The following TNR variants were observed in gnomAD, a reference collection of about 807,000 sequenced individuals.
The protein encoded by TNR is tenascin R.
Under a neutral mutation model 150.4 loss-of-function variants are expected in TNR, and 45 were observed. The ratio of observed to expected loss-of-function variants is 0.30; its 90% CI spans 0.24 to 0.38. The LOEUF (loss-of-function observed/expected upper bound fraction) is 0.38, where lower values mean the gene tolerates loss of function less well. TNR is among the 10% of genes least tolerant of loss of function. The pLI is 1.00. For missense variants in TNR, 1,544 were observed against 1,759.1 expected, an observed-to-expected ratio of 0.88 and a Z score of 2.19; for synonymous variants, 687 against 678.4, an observed-to-expected ratio of 1.01 and a Z score of -0.20.
At position 175,715,047 on chromosome 1, in the gene TNR, C is replaced by T. The variant is rs117959375; in HGVS notation, c.-165+28179G>A. Among the ~76,000 whole-genome samples the T allele has an allele frequency of 3.9e-5, 6 of 152,304 alleles. No homozygotes were observed. The East Asian group carries it at 1.2e-3, about 29-fold the overall frequency. ...AAAACCATGCTTCTCAAAGTGTGGT[C>T]CCAGGACCAGCAGCTTCAGCATCCT... On this transcript the variant is annotated intron_variant, in intron 1 of 22. Coordinates refer to ENST00000367674, the MANE Select transcript of TNR (RefSeq NM_003285.3).
chr1:175,698,201 C>G (rs962350193), intron 1 of TNR, among the ~76,000 whole-genome samples: 1 of 152,118 alleles, frequency 6.6e-6, no homozygotes, highest in Non-Finnish European at 1.5e-5. Context: ...AGACAACGAA[C>G]AGTCAAACAT....
chr1:175,406,329 C>A lies in TNR; in HGVS notation c.386G>T (p.Ser129Ile). The A allele has an allele frequency of 6.2e-7, 1 of 1,614,148 alleles. No individual in the cohort carries two copies. Among genetic ancestry groups the A allele is most frequent in the Non-Finnish European group, 8.5e-7 (1 of 1,180,024 alleles). ...CAGCTCCTGCAGCACCTGGGCTGAA[C>A]TGGCACATGGACAGGCCTTTTTGGG... ...NFPKKACPCA[S>I]SAQVLQELLS... The change falls in exon 3 of 23, where the codon AGT (serine) becomes ATT (isoleucine). Residue 129 changes from serine (S) to isoleucine (I), a missense_variant. By Grantham distance (142) the Ser-to-Ile change is moderately radical. Around this residue, in one of 2 missense-constraint regions of TNR, gnomAD observed 1,254 missense variants for 1,329.4 expected, o/e 0.94. Coordinates refer to ENST00000367674, the MANE Select transcript of TNR (RefSeq NM_003285.3).
intron 2 of TNR, among the ~76,000 whole-genome samples, chr1:175,488,305 G>C (rs890516463): frequency 6.6e-6 from 1 of 152,186 alleles, no homozygotes; most frequent in Non-Finnish European, 1.5e-5. Context: ...TCAGAATTTA[G>C]AAATTCCCAA....
At chr1:175,696,445 A>G (rs2101923030) in intron 1 of TNR, among the ~76,000 whole-genome samples, 1 of 152,162 alleles carries the variant, frequency 6.6e-6, no homozygotes, top group South Asian at 2.1e-4. Context: ...GGTTGTTCAG[A>G]TGGTACACTG....
intron 2 of TNR, among the ~76,000 whole-genome samples, chr1:175,487,890 C>T (rs1016547079): frequency 6.6e-6 from 1 of 152,152 alleles, no homozygotes; most frequent in African/African-American, 2.4e-5. Flanking sequence ...AATTATGTCT[C>T]TATGATGGTA....
intron 1 of TNR, among the ~76,000 whole-genome samples, chr1:175,714,117 C>T (rs914164937): frequency 5.9e-5 from 9 of 151,898 alleles, no homozygotes; most frequent in African/African-American, 1.9e-4. Flanking sequence ...GCTGCCCTCT[C>T]TTTAAAACTC....
chr1:175,458,888 G>A (rs56712058), intron 2 of TNR, among the ~76,000 whole-genome samples: 18,804 of 151,804 alleles, frequency 0.12, 1,864 homozygotes, highest in African/African-American at 0.28. Context: ...CATGTCCACT[G>A]TCCTCCAACT....
At chr1:175,387,315 C>A (rs1652983728) in intron 7 of TNR, among the ~76,000 whole-genome samples, 2 of 152,210 alleles carry the variant, frequency 1.3e-5, no homozygotes, top group South Asian at 4.1e-4. Flanking sequence ...ACCCTTCTGG[C>A]TGGAGCTGAT....
At chr1:175,437,080 C>T (rs1051372197) in intron 2 of TNR, among the ~76,000 whole-genome samples, 1 of 152,200 alleles carries the variant, frequency 6.6e-6, no homozygotes, top group African/African-American at 2.4e-5. Flanking sequence ...ATACATTCTT[C>T]TCAGCACCAC....
At chr1:175,713,542 T>C (rs987391603) in intron 1 of TNR, among the ~76,000 whole-genome samples, 4 of 152,244 alleles carry the variant, frequency 2.6e-5, no homozygotes, top group Non-Finnish European at 5.9e-5. Context: ...TTGTCTGTCC[T>C]GACTGGGATA....
In TNR at chr1:175,406,629, G is replaced by A; in HGVS notation, c.86C>T (p.Ser29Leu). 2 of 1,614,218 alleles carry A rather than the reference G, an allele frequency of 1.2e-6. No individual in the cohort carries two copies. The highest frequency in any genetic ancestry group is 1.3e-5 in the African/African-American group (1 of 75,042). The change falls in exon 3 of 23, where the codon TCA (serine) becomes TTA (leucine). Residue 29 changes from serine (S) to leucine (L), a missense_variant. Ser to Leu is a moderately radical substitution (Grantham distance 145). Around this residue, in one of 2 missense-constraint regions of TNR, gnomAD observed 1,254 missense variants for 1,329.4 expected, o/e 0.94. Transcript: ENST00000367674. ...LILLGSMIKP[S>L]ECQLEVTTER... ...TGTGGTGACCTCCAGCTGACACTCT[G>A]AAGGCTTGATCATGGAGCCCAGAAG... is the stretch of plus-strand genomic sequence containing the variant.
intron 18 of TNR, among the ~76,000 whole-genome samples, chr1:175,339,517 C>T (rs1383932389): frequency 6.6e-6 from 1 of 152,146 alleles, no homozygotes; most frequent in African/African-American, 2.4e-5. Context: ...TGTCTCCTTC[C>T]CTGCTGATTT....
chr1:175,607,024 C>T (rs1291441502), intron 1 of TNR, among the ~76,000 whole-genome samples: 1 of 152,210 alleles, frequency 6.6e-6, no homozygotes, highest in Non-Finnish European at 1.5e-5. Context: ...TCACATGGGT[C>T]TTTGTCCTGC....
At chr1:175,595,936 A>T (rs1662987351) in intron 1 of TNR, among the ~76,000 whole-genome samples, 4 of 151,914 alleles carry the variant, frequency 2.6e-5, no homozygotes, top group Admixed American at 2.6e-4. Context: ...GCACAGAGAA[A>T]TTAAACAACT....
chr1:175,346,100 A>G (rs1303073650), intron 18 of TNR, among the ~76,000 whole-genome samples: 1 of 151,268 alleles, frequency 6.6e-6, no homozygotes, highest in Non-Finnish European at 1.5e-5. Context: ...CAATGTATGA[A>G]AAAAACCACA....
chr1:175,692,032 T>C (rs911392138), intron 1 of TNR, among the ~76,000 whole-genome samples: 2 of 152,224 alleles, frequency 1.3e-5, no homozygotes, highest in Non-Finnish European at 2.9e-5. Flanking sequence ...TTTTGCACTT[T>C]GCATCGGCAA....
intron 4 of TNR, among the ~76,000 whole-genome samples, chr1:175,398,461 T>G (rs1653542057): frequency 6.6e-6 from 1 of 152,262 alleles, no homozygotes; most frequent in African/African-American, 2.4e-5. Flanking sequence ...ATTAAAGCTT[T>G]GAATTTCACT....
intron 20 of TNR, among the ~76,000 whole-genome samples, chr1:175,331,643 C>T (rs1649941161): frequency 6.6e-6 from 1 of 152,132 alleles, no homozygotes; most frequent in Non-Finnish European, 1.5e-5. Flanking sequence ...ATCTACCTGC[C>T]CAAACTTTGA....
intron 1 of TNR, among the ~76,000 whole-genome samples, chr1:175,685,822 G>A (rs115773153): frequency 0.026 from 3,863 of 148,222 alleles, 167 homozygotes; most frequent in African/African-American, 0.09. Flanking sequence ...TTTGCCTTTT[G>A]TTCCTTTTTT....
Sources: allele counts gnomAD v4.1 joint callset (sites outside exome capture counted in the v4.1 genomes callset), GRCh38; gene constraint gnomAD v4.1.1; regional missense constraint gnomAD v4.1.1; transcripts MANE v1.5; gene names NCBI Gene and HGNC (gene_info 2026-07-23, HGNC 2026-07-21).